Variants in CPE observed in about 807,000 individuals in gnomAD.
CPE encodes carboxypeptidase E.
In CPE, 17 loss-of-function variants were observed where a neutral mutation model predicts 53.5. That is an observed-to-expected ratio of 0.32 (90% CI 0.22 to 0.48). The LOEUF is 0.48. CPE is among the 20% of genes least tolerant of loss of function. CPE has a pLI of 0.99. For missense variants in CPE, 524 were observed against 614.7 expected, an observed-to-expected ratio of 0.85 and a Z score of 1.56; for synonymous variants, 226 against 228.8, an observed-to-expected ratio of 0.99 and a Z score of 0.11.
At chr4:165,453,298 T>C (rs1731844787) in intron 1 of CPE, among the ~76,000 whole-genome samples, 1 of 151,786 alleles carries the variant, frequency 6.6e-6, no homozygotes, top group East Asian at 1.9e-4. Flanking sequence ...TTTCCTTCTT[T>C]TTCTTTCTTT....
intron 3 of CPE, among the ~76,000 whole-genome samples, chr4:165,470,012 G>A (rs1382901922): frequency 6.6e-6 from 1 of 152,168 alleles, no homozygotes; most frequent in African/African-American, 2.4e-5. Context: ...CTACAGGTGG[G>A]GGCTGGTCTT....
At chr4:165,403,336 A>G (rs1730898819) in intron 1 of CPE, among the ~76,000 whole-genome samples, 2 of 152,194 alleles carry the variant, frequency 1.3e-5, no homozygotes, top group Admixed American at 6.5e-5. Flanking sequence ...AAAAAAAATC[A>G]TATTCTTGAG....
chr4:165,453,912 A>G (rs921644222), intron 1 of CPE, among the ~76,000 whole-genome samples: 3 of 152,210 alleles, frequency 2.0e-5, no homozygotes, highest in African/African-American at 7.2e-5. Context: ...TCAGAGTTTC[A>G]ATATTTACAG....
chr4:165,451,716 TC>T (rs1451016519), intron 1 of CPE, among the ~76,000 whole-genome samples: 1 of 151,994 alleles, frequency 6.6e-6, no homozygotes, highest in Non-Finnish European at 1.5e-5. Flanking sequence ...GGTCTCAAAC[TC>T]CTGACCTTGT....
At chr4:165,437,202 G>A (rs1731518083) in intron 1 of CPE, among the ~76,000 whole-genome samples, 1 of 152,194 alleles carries the variant, frequency 6.6e-6, no homozygotes, top group African/African-American at 2.4e-5. Flanking sequence ...CAGTTGCTGA[G>A]GTCAGAGATG....
At chr4:165,453,058 C>T (rs1044600827) in intron 1 of CPE, among the ~76,000 whole-genome samples, 1 of 152,006 alleles carries the variant, frequency 6.6e-6, no homozygotes, top group Middle Eastern at 3.4e-3. Context: ...CTCACAGGTT[C>T]AAGTGATTCT....
intron 1 of CPE, among the ~76,000 whole-genome samples, chr4:165,414,019 G>A (rs150150245): frequency 7.9e-5 from 12 of 152,168 alleles, no homozygotes; most frequent in East Asian, 7.7e-4. Flanking sequence ...TATTGAGCTC[G>A]CTTATAGCAC....
At chr4:165,472,553 T>A (rs180808292) in intron 3 of CPE, among the ~76,000 whole-genome samples, 66 of 152,372 alleles carry the variant, frequency 4.3e-4, no homozygotes, top group Non-Finnish European at 7.1e-4. Flanking sequence ...AACACATTTA[T>A]GAAGAGTAGA....
chr4:165,459,958 A>C (rs1027686006), intron 1 of CPE, among the ~76,000 whole-genome samples: 4 of 150,814 alleles, frequency 2.7e-5, no homozygotes, highest in Non-Finnish European at 5.9e-5. Flanking sequence ...TAGTGAAGAA[A>C]GTAAGATGAT....
chr4:165,411,471 T>C (rs1217741572), intron 1 of CPE, among the ~76,000 whole-genome samples: 1 of 152,190 alleles, frequency 6.6e-6, no homozygotes, highest in East Asian at 1.9e-4. Context: ...ACACAGTTGG[T>C]AAATCAGTGT....
intron 6 of CPE, among the ~76,000 whole-genome samples, chr4:165,490,823 G>C (rs1274698241): frequency 6.6e-6 from 1 of 152,162 alleles, no homozygotes; most frequent in Non-Finnish European, 1.5e-5. Flanking sequence ...GCTATAAACA[G>C]TCCTAGCAAA....
chr4:165,494,137 A>G (rs936447497), intron 7 of CPE, among the ~76,000 whole-genome samples: 5 of 152,194 alleles, frequency 3.3e-5, no homozygotes, highest in African/African-American at 9.7e-5. Flanking sequence ...TCATGTATCA[A>G]CAGCCCACTA....
intron 3 of CPE, among the ~76,000 whole-genome samples, chr4:165,472,019 A>G (rs926477804): frequency 1.1e-4 from 16 of 152,256 alleles, no homozygotes; most frequent in African/African-American, 3.9e-4. Flanking sequence ...TCAGGTAGAG[A>G]GAAATATGCT....
chr4:165,478,284 A>G (rs186960136), intron 3 of CPE, among the ~76,000 whole-genome samples: 1 of 152,362 alleles, frequency 6.6e-6, no homozygotes, highest in Admixed American at 6.5e-5. Flanking sequence ...TCTGTGGATC[A>G]GTTAAATATA....
chr4:165,453,719 T>C (rs1731852959), intron 1 of CPE, among the ~76,000 whole-genome samples: 1 of 152,108 alleles, frequency 6.6e-6, no homozygotes, highest in Admixed American at 6.6e-5. Flanking sequence ...CAAAAGGAGA[T>C]ACTTCATGAA....
At chr4:165,463,294 AATGTC>A (rs1448718443) in intron 1 of CPE, among the ~76,000 whole-genome samples, 3 of 152,192 alleles carry the variant, frequency 2.0e-5, no homozygotes, top group African/African-American at 7.2e-5. Context: ...ATGACAAGAT[AATGTC>A]ATGTAATAAT....
chr4:165,488,460 A>AC (rs892429978), intron 6 of CPE, among the ~76,000 whole-genome samples: 6 of 151,548 alleles, frequency 4.0e-5, no homozygotes, highest in African/African-American at 1.5e-4. Context: ...TGCCAACCCC[A>AC]CCCCCTGCAT....
intron 1 of CPE, among the ~76,000 whole-genome samples, chr4:165,460,005 C>T (rs1004862000): frequency 2.2e-4 from 34 of 151,264 alleles, no homozygotes; most frequent in African/African-American, 7.8e-4. Flanking sequence ...GAGGGTAGTG[C>T]TTCTAGCCGC....
chr4:165,464,302 A>T, intron 1 of CPE, 88 bp from the exon 2 acceptor site: 2 of 1,068,102 alleles, frequency 1.9e-6, no homozygotes, highest in Non-Finnish European at 2.6e-6. Context: ...AAAACCCATC[A>T]GATATTCATA....
Sources: gnomAD v4.1 joint callset for allele counts (sites outside exome capture counted in the v4.1 genomes callset) on GRCh38, gnomAD v4.1.1 for gene constraint, MANE v1.5 for transcripts, NCBI Gene and HGNC (gene_info 2026-07-23, HGNC 2026-07-21) for gene names.